PCDH15: variants seen among roughly 807,000 people sequenced by gnomAD.
PCDH15 encodes protocadherin related 15.
Under a neutral mutation model 178.5 loss-of-function variants are expected in PCDH15, and 129 were observed. That is an observed-to-expected ratio of 0.72 (90% CI 0.63 to 0.84). The LOEUF (loss-of-function observed/expected upper bound fraction) is 0.84, where lower values mean the gene tolerates loss of function less well. PCDH15 is among the 40% of genes least tolerant of loss of function. PCDH15 has a pLI of 0.00. For synonymous variants in PCDH15, 800 were observed against 732.0 expected (o/e 1.09, Z -1.50); for missense variants, 2,230 against 2,099.9 (o/e 1.06, Z -1.21).
At chr10:54,857,638 A>C (rs971532814) in intron 3 of PCDH15, among the ~76,000 whole-genome samples, 1 of 147,110 alleles carries the variant, frequency 6.8e-6, no homozygotes, top group African/African-American at 2.5e-5. Context: ...TTTTTTTTAG[A>C]GATAGGGTCT....
chr10:54,146,980 A>ATATATATAATGTATATATATAGTG (rs1564530876), intron 14 of PCDH15, among the ~76,000 whole-genome samples: 47 of 118,820 alleles, frequency 4.0e-4, no homozygotes, highest in African/African-American at 1.3e-3. Context: ...TATATAGTGT[A>ATATATATAATGTATATATATAGTG]TATATATATA....
intron 25 of PCDH15, among the ~76,000 whole-genome samples, chr10:53,911,051 A>C (rs1340049173): frequency 6.6e-6 from 1 of 152,184 alleles, no homozygotes; most frequent in Non-Finnish European, 1.5e-5. Flanking sequence ...GTGTACCTGA[A>C]AGTGATGAGG....
At chr10:54,320,499 AC>A (rs1323324828) in intron 7 of PCDH15, among the ~76,000 whole-genome samples, 2 of 152,088 alleles carry the variant, frequency 1.3e-5, no homozygotes, top group Admixed American at 1.3e-4. Flanking sequence ...TCACAAATTA[AC>A]TTTATAAATT....
chr10:54,068,569 A>G (rs916503867), intron 17 of PCDH15, among the ~76,000 whole-genome samples: 17 of 152,184 alleles, frequency 1.1e-4, no homozygotes, highest in African/African-American at 4.1e-4. Flanking sequence ...ACATGGATTA[A>G]TTTCATGAAC....
At chr10:54,810,985 C>A (rs943542199) in intron 3 of PCDH15, among the ~76,000 whole-genome samples, 1 of 151,920 alleles carries the variant, frequency 6.6e-6, no homozygotes, top group African/African-American at 2.4e-5. Flanking sequence ...AGTAGAAGAG[C>A]AAAAAGTATC....
At chr10:53,892,625 A>G (rs2081650038) in intron 26 of PCDH15, among the ~76,000 whole-genome samples, 1 of 152,184 alleles carries the variant, frequency 6.6e-6, no homozygotes, top group South Asian at 2.1e-4. Flanking sequence ...ATATTAAAAG[A>G]ACATAACAAG....
chr10:55,197,741 C>T (rs1294343718), intron 1 of PCDH15, among the ~76,000 whole-genome samples: 4 of 152,056 alleles, frequency 2.6e-5, no homozygotes, highest in Non-Finnish European at 5.9e-5. Flanking sequence ...AGTACATTAT[C>T]TTCTTGAAAT....
intron 2 of PCDH15, among the ~76,000 whole-genome samples, chr10:54,995,571 A>G: frequency 6.6e-6 from 1 of 151,936 alleles, no homozygotes. Context: ...AAACTGGTCC[A>G]ACTGTCCCGT....
chr10:54,220,616 G>A (rs2052670131), intron 9 of PCDH15, among the ~76,000 whole-genome samples: 1 of 152,062 alleles, frequency 6.6e-6, no homozygotes, highest in African/African-American at 2.4e-5. Flanking sequence ...ACGAGGTCAG[G>A]AGATCGAGAC....
chr10:55,068,139 A>G (rs1841616023), intron 2 of PCDH15, among the ~76,000 whole-genome samples: 1 of 152,016 alleles, frequency 6.6e-6, no homozygotes, highest in South Asian at 2.1e-4. Flanking sequence ...TTGAGGTCTT[A>G]GCTGTAAATT....
chr10:54,897,538 T>C (rs894125515), intron 2 of PCDH15: 1 of 152,210 alleles, frequency 6.6e-6, no homozygotes, highest in African/African-American at 2.4e-5. Context: ...AAAGGCATTT[T>C]CTAATTTGAA....
At chr10:54,011,457 A>T (rs1475347993) in intron 20 of PCDH15, among the ~76,000 whole-genome samples, 1 of 152,160 alleles carries the variant, frequency 6.6e-6, no homozygotes, top group Non-Finnish European at 1.5e-5. Flanking sequence ...TAAGCTGGGG[A>T]AAGAACATAA....
chr10:54,878,830 C>A (rs568331752), intron 3 of PCDH15, among the ~76,000 whole-genome samples: 6 of 152,064 alleles, frequency 3.9e-5, no homozygotes, highest in African/African-American at 1.4e-4. Context: ...CTCCCCCTAC[C>A]CCACTCAGCA....
At chr10:54,090,948 G>T (rs1383065805) in intron 15 of PCDH15, among the ~76,000 whole-genome samples, 3 of 152,210 alleles carry the variant, frequency 2.0e-5, no homozygotes, top group East Asian at 3.9e-4. Context: ...CTAATATCTG[G>T]TACATTGTAA....
At chr10:54,616,327 A>T (rs1473356414) in intron 2 of PCDH15, among the ~76,000 whole-genome samples, 1 of 152,132 alleles carries the variant, frequency 6.6e-6, no homozygotes, top group Non-Finnish European at 1.5e-5. Flanking sequence ...TTTCTATGGA[A>T]AATTAGGTCA....
intron 6 of PCDH15, among the ~76,000 whole-genome samples, 165 bp from the exon 7 acceptor site, chr10:54,329,871 A>G (rs1170352622): frequency 6.6e-6 from 1 of 151,944 alleles, no homozygotes; most frequent in East Asian, 1.9e-4. Flanking sequence ...ACTTCCAAAC[A>G]TTTAATTTTG....
chr10:54,997,300 T>C (rs1028875158), intron 2 of PCDH15, among the ~76,000 whole-genome samples: 18 of 152,164 alleles, frequency 1.2e-4, no homozygotes, highest in African/African-American at 4.1e-4. Context: ...TGTGTGTGTA[T>C]ATACATGTTT....
intron 2 of PCDH15, among the ~76,000 whole-genome samples, chr10:55,385,722 T>TATATATATATATATGC (rs1554860569): frequency 2.1e-5 from 3 of 143,332 alleles, no homozygotes; most frequent in African/African-American, 7.9e-5. Flanking sequence ...TATATATGCA[T>TATATATATATATATGC]ATATATATAC....
intron 2 of PCDH15, among the ~76,000 whole-genome samples, chr10:55,364,495 A>G (rs543398630): frequency 1.3e-4 from 20 of 152,234 alleles, no homozygotes; most frequent in African/African-American, 4.1e-4. Flanking sequence ...GATGTTTACA[A>G]CATTTATTTA....
Sources: allele counts gnomAD v4.1 joint callset (sites outside exome capture counted in the v4.1 genomes callset), GRCh38; gene constraint gnomAD v4.1.1; transcripts MANE v1.5; gene names NCBI Gene and HGNC (gene_info 2026-07-23, HGNC 2026-07-21).